The following TADA2A variants were observed in gnomAD, a reference collection of about 807,000 sequenced individuals.
TADA2A encodes transcriptional adaptor 2A, also known as transcriptional adapter 2-alpha.
Under a neutral mutation model 67.4 loss-of-function variants are expected in TADA2A, and 38 were observed. That is an observed-to-expected ratio of 0.56 (90% CI 0.44 to 0.74). The LOEUF is 0.74. TADA2A is among the 30% of genes least tolerant of loss of function. The pLI is 0.00. For synonymous variants in TADA2A, 192 were observed against 181.6 expected, an observed-to-expected ratio of 1.06 and a Z score of -0.46; for missense variants, 454 against 547.0, an observed-to-expected ratio of 0.83 and a Z score of 1.70.
intron 2 of TADA2A, among the ~76,000 whole-genome samples, chr17:37,419,032 C>G (rs1400110942): frequency 6.8e-6 from 1 of 146,026 alleles, no homozygotes; most frequent in Non-Finnish European, 1.5e-5. Context: ...AGCCCAGCCT[C>G]TACTTTTGTT....
chr17:37,459,358 C>T (rs1466196066), intron 9 of TADA2A, among the ~76,000 whole-genome samples: 1 of 151,342 alleles, frequency 6.6e-6, no homozygotes, highest in African/African-American at 2.4e-5. Flanking sequence ...TCTCAGCTCA[C>T]TGCAAGTTCT....
At chr17:37,412,100 A>G (rs1354074328) in intron 2 of TADA2A, among the ~76,000 whole-genome samples, 1 of 151,768 alleles carries the variant, frequency 6.6e-6, no homozygotes, top group African/African-American at 2.4e-5. Context: ...AGTCCCAGCT[A>G]CTTGGGAGGC....
Position 37,437,802 on chromosome 17 carries a change from C to G in TADA2A, c.257C>G (p.Ala86Gly). Reference protein sequence around the residue: ...TAQEEMALLEAVMDCGFGNWQ... With the variant: ...TAQEEMALLEGVMDCGFGNWQ... ...CAAGAAGAAATGGCCCTTTTAGAAG[C>G]TGTGATGGACTGTGGCTTTGGAAAT... Residue 86 changes from alanine (A) to glycine (G), a missense_variant, in exon 5 of 16, where the codon GCT (alanine) becomes GGT (glycine). Around this residue, in one of 2 missense-constraint regions of TADA2A, gnomAD observed 403 missense variants for 455.5 expected, o/e 0.88. Transcript: ENST00000615182. 1 of 1,614,146 alleles carries G rather than the reference C, an allele frequency of 6.2e-7. No homozygotes were observed. The highest frequency in any genetic ancestry group is 8.5e-7 in the Non-Finnish European group (1 of 1,180,020).
Position 37,477,045 on chromosome 17 carries a change from G to C in TADA2A, c.*63G>C. ...AATGTGGTGGGTCAAAGGACAATAT[G>C]GGTGGGCATTCTGGAGAGTTGTTTT... On this transcript the variant is annotated 3_prime_UTR_variant, in exon 16 of 16. Transcript: ENST00000615182. 3 of 1,494,126 alleles carry C rather than the reference G, an allele frequency of 2.0e-6. No individual in the cohort carries two copies. In the Admixed American group the frequency reaches 6.1e-5, roughly 30 times the overall value. 92.6% of individuals were successfully genotyped at this position (1,494,126 alleles called of 1,614,324 possible).
At chr17:37,460,538 C>G (rs143866205) in intron 9 of TADA2A, among the ~76,000 whole-genome samples, 1 of 152,212 alleles carries the variant, frequency 6.6e-6, no homozygotes, top group East Asian at 1.9e-4. Flanking sequence ...AGCCACTGCC[C>G]CCAGCCCTAT....
chr17:37,477,275 A>C lies in TADA2A; in HGVS notation c.*293A>C, dbSNP rs1306706152. 1 of 306,556 alleles carries C rather than the reference A, an allele frequency of 3.3e-6. No individual in the cohort carries two copies. The highest frequency in any genetic ancestry group is 2.1e-5 in the African/African-American group (1 of 46,958). The allele number at this position is 306,556 out of a possible 1,614,324, so 19.0% of individuals were successfully genotyped here. On this transcript the variant is annotated 3_prime_UTR_variant, in exon 16 of 16. Transcript: ENST00000615182. ...AACTAAAAGAACCATAGTACCTCACATCACAGTGCTGGTAGAAATGGAACT... is the reference window on the plus strand; with the variant it reads ...AACTAAAAGAACCATAGTACCTCACCTCACAGTGCTGGTAGAAATGGAACT...
At position 37,426,904 on chromosome 17, in the gene TADA2A, C is replaced by T. The variant is rs769134805; in HGVS notation, c.133-46C>T. On this transcript the variant is annotated intron_variant, in intron 3 of 15. Coordinates refer to ENST00000615182, the MANE Select transcript of TADA2A (RefSeq NM_001166105.3). ...AAGAATAACACAAACCTCCTCTGTC[C>T]TTTAAGAAAGTAGCTTTTGCTAATT... 19 of 1,551,186 alleles carry T rather than the reference C, an allele frequency of 1.2e-5. No individual in the cohort carries two copies. In the East Asian group the frequency reaches 3.7e-4, roughly 30 times the overall value.
At position 37,426,199 on chromosome 17, in the gene TADA2A, C is replaced by A. The variant is rs1273110282; in HGVS notation, c.133-751C>A. Among the ~76,000 whole-genome samples, 5 of 152,180 alleles carry A rather than the reference C, an allele frequency of 3.3e-5. No individual in the cohort carries two copies. The South Asian group carries it at 1.0e-3, about 32-fold the overall frequency. On this transcript the variant is annotated intron_variant, in intron 3 of 15. Transcript: ENST00000615182. ...GAATGGCTGAAATACGGTTTCAGAG[C>A]CAGGATTCAAATTTAGGCTATATGA...
chr17:37,448,117 C>T (rs2053132181), intron 8 of TADA2A, among the ~76,000 whole-genome samples: 1 of 152,102 alleles, frequency 6.6e-6, no homozygotes, highest in Non-Finnish European at 1.5e-5. Context: ...TGAGCATTAA[C>T]AACATTATTT....
chr17:37,450,866 A>T (rs1477944640), intron 8 of TADA2A, among the ~76,000 whole-genome samples: 2 of 152,196 alleles, frequency 1.3e-5, no homozygotes, highest in Non-Finnish European at 2.9e-5. Context: ...GTGCTCAGAG[A>T]TAGCTTCAAA....
At chr17:37,442,198 CTTTT>C (rs760306260) in intron 6 of TADA2A, among the ~76,000 whole-genome samples, 2 of 75,406 alleles carry the variant, frequency 2.7e-5, no homozygotes, top group Non-Finnish European at 2.8e-5. Flanking sequence ...TTTTTCCCGT[CTTTT>C]TTTTTTTTTT....
chr17:37,449,765 G>A (rs118136269), intron 8 of TADA2A, among the ~76,000 whole-genome samples: 2,680 of 152,056 alleles, frequency 0.018, 39 homozygotes, highest in Middle Eastern at 0.031. Context: ...GACTCCAGGC[G>A]TGCACCATCA....
chr17:37,476,222 T>A (rs2053889974), intron 15 of TADA2A, among the ~76,000 whole-genome samples: 1 of 152,174 alleles, frequency 6.6e-6, no homozygotes. Flanking sequence ...GACCTCAGAC[T>A]CCTCATTGCT....
At chr17:37,475,161 TTTTA>T (rs950693951) in intron 15 of TADA2A, among the ~76,000 whole-genome samples, 5 of 151,880 alleles carry the variant, frequency 3.3e-5, no homozygotes, top group African/African-American at 1.2e-4. Context: ...TATTTTTTAT[TTTTA>T]TTTTTTTTTA....
rs2053914445 is a variant in TADA2A, at chr17:37,477,552, C to T, written c.*570C>T. On this transcript the variant is annotated 3_prime_UTR_variant, in exon 16 of 16. Coordinates refer to ENST00000615182, the MANE Select transcript of TADA2A (RefSeq NM_001166105.3). ...AGATCTCAGCTCACTACAACCTCTG[C>T]CTCCCAGGTTCAAGTGATTCTCCTG... 1 of 151,448 alleles carries T rather than the reference C, an allele frequency of 6.6e-6. No individual in the cohort carries two copies. The highest frequency in any genetic ancestry group is 2.4e-5 in the African/African-American group (1 of 41,150). The allele number at this position is 151,448 out of a possible 1,614,324, so 9.4% of individuals were successfully genotyped here. A position where few individuals can be genotyped will look rare whatever the true frequency, so the allele number is the denominator to read the frequency against.
rs527960433 is a variant in TADA2A, at chr17:37,473,942, C to T, written c.1073-614C>T. Among the ~76,000 whole-genome samples the T allele has an allele frequency of 3.3e-5, 5 of 152,274 alleles. No individual in the cohort carries two copies. In the South Asian group the frequency reaches 6.2e-4, roughly 19 times the overall value. On this transcript the variant is annotated intron_variant, in intron 14 of 15. Coordinates refer to ENST00000615182, the MANE Select transcript of TADA2A (RefSeq NM_001166105.3). ...ACCATGTTTGCCTTGTACTGCTGGCCGAGTGGCAAGGATTAGGGAATGTCT... is the reference window on the plus strand; with the variant it reads ...ACCATGTTTGCCTTGTACTGCTGGCTGAGTGGCAAGGATTAGGGAATGTCT...
intron 10 of TADA2A, among the ~76,000 whole-genome samples, chr17:37,462,588 C>T (rs552964145): frequency 2.6e-5 from 4 of 152,166 alleles, no homozygotes; most frequent in African/African-American, 4.8e-5. Context: ...GCCGAGATCA[C>T]GCCAGTGCAC....
chr17:37,430,109 A>G (rs2052527500), intron 4 of TADA2A, among the ~76,000 whole-genome samples: 1 of 152,218 alleles, frequency 6.6e-6, no homozygotes, highest in Admixed American at 6.6e-5. Flanking sequence ...ACTGTAGGAA[A>G]GCTGACCATG....
chr17:37,436,992 G>A (rs1464505489), intron 4 of TADA2A, among the ~76,000 whole-genome samples: 1 of 151,742 alleles, frequency 6.6e-6, no homozygotes, highest in Non-Finnish European at 1.5e-5. Flanking sequence ...GGGTGGGAGA[G>A]GTGGACAACT....
Sources: gnomAD v4.1 joint callset for allele counts (sites outside exome capture counted in the v4.1 genomes callset) on GRCh38, gnomAD v4.1.1 for gene constraint, gnomAD v4.1.1 regional missense constraint, MANE v1.5 for transcripts, NCBI Gene and HGNC (gene_info 2026-07-23, HGNC 2026-07-21) for gene names.